The following DLGAP2 variants were observed in gnomAD, a reference collection of about 807,000 sequenced individuals.
DLGAP2 encodes DLG associated protein 2.
DLGAP2 carries 26 observed loss-of-function variants against 100.3 expected under a neutral mutation model. That is an observed-to-expected ratio of 0.26 (90% CI 0.19 to 0.36). The LOEUF is 0.36. DLGAP2 is among the 10% of genes least tolerant of loss of function. DLGAP2 has a pLI of 1.00. For synonymous variants in DLGAP2, 886 were observed against 630.1 expected (o/e 1.41, Z -6.08); for missense variants, 1,858 against 1,453.2 (o/e 1.28, Z -4.53).
chr8:1,505,784 C>G (rs1563188952), intron 4 of DLGAP2, among the ~76,000 whole-genome samples: 1 of 152,152 alleles, frequency 6.6e-6, no homozygotes, highest in Non-Finnish European at 1.5e-5. Flanking sequence ...GTAACATTGG[C>G]TCATTATGAC....
At chr8:1,352,362 A>T (rs1250328309) in intron 3 of DLGAP2, among the ~76,000 whole-genome samples, 1 of 150,718 alleles carries the variant, frequency 6.6e-6, no homozygotes. Context: ...GTCCCCAGCG[A>T]CTCCCCCTGG....
intron 8 of DLGAP2, among the ~76,000 whole-genome samples, chr8:1,639,411 T>C (rs1286867665): frequency 6.6e-6 from 1 of 152,280 alleles, no homozygotes; most frequent in East Asian, 1.9e-4. Context: ...GGAAGGCTGC[T>C]GCGAGGCCTG....
rs937831174 is a variant in DLGAP2 at position 797,035 on chromosome 8, C to T, written c.18+59210C>T. On this transcript the variant is annotated intron_variant, in intron 1 of 14. Coordinates refer to ENST00000637795, the MANE Select transcript of DLGAP2 (RefSeq NM_001346810.2). ...TGTACTTAAAATGTATTTCCATTGGCAGAGTCAATATTACTTTCTTGTTTT... is the reference window on the plus strand; with the variant it reads ...TGTACTTAAAATGTATTTCCATTGGTAGAGTCAATATTACTTTCTTGTTTT... Among the ~76,000 whole-genome samples, 4 of 152,330 alleles carry T rather than the reference C, an allele frequency of 2.6e-5. No homozygotes were observed. In the East Asian group the frequency reaches 7.7e-4, roughly 29 times the overall value.
rs552185722 is a variant in DLGAP2, at chr8:1,628,271, T to C, written c.1590+1384T>C. On this transcript the variant is annotated intron_variant, in intron 7 of 14. Coordinates refer to ENST00000637795, the MANE Select transcript of DLGAP2 (RefSeq NM_001346810.2). ...CAGGGATTAAGAGCCTGAGCTGACC[T>C]CACATTCTCTCTGACTTACTGTGGA... 1.9e-4 allele frequency among the ~76,000 whole-genome samples: 27 copies of C among 145,320 alleles called. No individual in the cohort carries two copies. In the East Asian group the frequency reaches 5.0e-3, roughly 27 times the overall value.
At chr8:1,027,317 T>G (rs1442427491) in intron 2 of DLGAP2, among the ~76,000 whole-genome samples, 2 of 152,212 alleles carry the variant, frequency 1.3e-5, no homozygotes, top group Non-Finnish European at 2.9e-5. Flanking sequence ...ATTCTCCAGA[T>G]GGGGTGCCAG....
intron 2 of DLGAP2, among the ~76,000 whole-genome samples, chr8:1,198,016 A>G (rs187928775): frequency 6.6e-6 from 1 of 152,142 alleles, no homozygotes; most frequent in Non-Finnish European, 1.5e-5. Context: ...TGGGTCATTC[A>G]GGGACCCACT....
At chr8:1,214,036 T>A (rs941392798) in intron 2 of DLGAP2, among the ~76,000 whole-genome samples, 4 of 151,972 alleles carry the variant, frequency 2.6e-5, no homozygotes, top group African/African-American at 9.7e-5. Context: ...GCCTCCCTTG[T>A]CCACAGCCGC....
chr8:946,923 G>T (rs116536859), intron 2 of DLGAP2, among the ~76,000 whole-genome samples: 6,983 of 152,256 alleles, frequency 0.046, 540 homozygotes, highest in African/African-American at 0.16. Flanking sequence ...GCCACCGGCC[G>T]CCCTGTCCTG....
chr8:779,509 G>C (rs1451871389), intron 1 of DLGAP2, among the ~76,000 whole-genome samples: 4 of 150,442 alleles, frequency 2.7e-5, no homozygotes, highest in Non-Finnish European at 4.4e-5. Context: ...TGTCGCCCAG[G>C]CTGGAGTGCA....
intron 3 of DLGAP2, among the ~76,000 whole-genome samples, chr8:1,354,060 CA>C (rs1313869136): frequency 6.6e-6 from 1 of 152,106 alleles, no homozygotes; most frequent in East Asian, 1.9e-4. Context: ...GTGCAGGCTT[CA>C]GGGGGGCAAT....
At chr8:1,203,617 C>T (rs780376572) in intron 2 of DLGAP2, among the ~76,000 whole-genome samples, 1 of 152,168 alleles carries the variant, frequency 6.6e-6, no homozygotes, top group Non-Finnish European at 1.5e-5. Context: ...GAATGTACTT[C>T]CTACAGATAA....
intron 6 of DLGAP2, among the ~76,000 whole-genome samples, chr8:1,568,333 A>G (rs1167526095): frequency 1.4e-5 from 1 of 69,918 alleles, no homozygotes; most frequent in Non-Finnish European, 3.0e-5. Context: ...AGCAGACACA[A>G]ATCCACTCTG....
intron 3 of DLGAP2, among the ~76,000 whole-genome samples, chr8:1,414,698 G>A (rs1206056463): frequency 5.3e-5 from 8 of 152,196 alleles, no homozygotes; most frequent in Non-Finnish European, 1.2e-4. Flanking sequence ...TTACAAGCAT[G>A]GAACCTCCTG....
intron 8 of DLGAP2, among the ~76,000 whole-genome samples, chr8:1,648,600 C>T (rs1798095484): frequency 6.6e-6 from 1 of 152,120 alleles, no homozygotes; most frequent in Non-Finnish European, 1.5e-5. Context: ...AGGTCCCCTT[C>T]TGCATGCAGG....
intron 1 of DLGAP2, among the ~76,000 whole-genome samples, chr8:829,677 A>G (rs1796746094): frequency 6.6e-6 from 1 of 152,242 alleles, no homozygotes; most frequent in African/African-American, 2.4e-5. Context: ...AACAAACAAA[A>G]TGAAGAAAAG....
intron 1 of DLGAP2, among the ~76,000 whole-genome samples, chr8:870,946 A>C (rs1267949088): frequency 6.6e-6 from 1 of 152,090 alleles, no homozygotes; most frequent in African/African-American, 2.4e-5. Context: ...CTAATTCCAA[A>C]ATGCGTAACT....
At position 1,678,226 on chromosome 8, in the gene DLGAP2, T is replaced by C. The variant is rs545183080; in HGVS notation, c.2301T>C (p.Phe767=). 2.3e-5 allele frequency: 37 copies of C among 1,611,382 alleles called. No homozygotes were observed. In the South Asian group the frequency reaches 3.7e-4, roughly 16 times the overall value. Residue 767 remains phenylalanine, a synonymous_variant, in exon 12 of 15, where the codon TTT becomes TTC. Transcript: ENST00000637795. Reference sequence around the variant, plus strand: ...CCTCCTTTTGCAGACACGGACGTTTTAAACGTTCTAACAGCGTCACGGCCG... The same window carrying C: ...CCTCCTTTTGCAGACACGGACGTTTCAAACGTTCTAACAGCGTCACGGCCG... ...QVEDEKRHGR[F]KRSNSVTAAV... is the part of the protein sequence containing the mutation.
chr8:1,179,853 A>G (rs1797342688), intron 2 of DLGAP2, among the ~76,000 whole-genome samples: 1 of 152,250 alleles, frequency 6.6e-6, no homozygotes, highest in Admixed American at 6.5e-5. Context: ...AGACTGAAAG[A>G]TATTCAGTAT....
At chr8:863,645 C>T (rs1429057792) in intron 1 of DLGAP2, among the ~76,000 whole-genome samples, 4 of 152,136 alleles carry the variant, frequency 2.6e-5, no homozygotes, top group Admixed American at 6.5e-5. Context: ...CGCGGATCAT[C>T]GGGGAGATAC....
Sources: gnomAD v4.1 joint callset for allele counts (sites outside exome capture counted in the v4.1 genomes callset) on GRCh38, gnomAD v4.1.1 for gene constraint, MANE v1.5 for transcripts, NCBI Gene and HGNC (gene_info 2026-07-23, HGNC 2026-07-21) for gene names.